The following SLC1A7 variants were observed in gnomAD, a reference collection of about 807,000 sequenced individuals.
SLC1A7 encodes the protein solute carrier family 1 member 7, also known as excitatory amino acid transporter 5.
A neutral mutation model predicts 47.7 loss-of-function variants in SLC1A7; 40 were observed. That is an observed-to-expected ratio of 0.84 (90% CI 0.65 to 1.09). The LOEUF (loss-of-function observed/expected upper bound fraction) is 1.09, where lower values mean the gene tolerates loss of function less well. SLC1A7 is among the 50% of genes least tolerant of loss of function. SLC1A7 has a pLI of 0.00. For missense variants in SLC1A7, 746 were observed against 769.5 expected (o/e 0.97, Z 0.36); for synonymous variants, 323 against 325.6 (o/e 0.99, Z 0.09).
intron 2 of SLC1A7, among the ~76,000 whole-genome samples, chr1:53,129,523 T>TTCC (rs1426322824): frequency 0.02 from 2,071 of 101,216 alleles, 11 homozygotes; most frequent in Middle Eastern, 0.037. Flanking sequence ...CACACATGTC[T>TTCC]GAGGAGGGAC....
chr1:53,117,294 A>G lies in SLC1A7; in HGVS notation c.216-2321T>C, dbSNP rs540503574. ...ATTGGTGATAGAAGGGATAGAGAAG[A>G]TAGGCTGAGCTCAGGAGTAGGGTGG... On this transcript the variant is annotated intron_variant, in intron 2 of 10. Transcript: ENST00000371494. Among the ~76,000 whole-genome samples, 3 of 152,296 alleles carry G rather than the reference A, an allele frequency of 2.0e-5. No individual in the cohort carries two copies. The South Asian group carries it at 6.2e-4, about 32-fold the overall frequency.
chr1:53,142,254 G>A, intron 1 of SLC1A7, 61 bp downstream of exon 1: 1 of 1,516,794 alleles, frequency 6.6e-7, no homozygotes, highest in African/African-American at 1.4e-5. Flanking sequence ...CGGGACCCCA[G>A]ATCCCTCAGG....
At chr1:53,106,510 A>T (rs1185253699) in intron 3 of SLC1A7, among the ~76,000 whole-genome samples, 7 of 151,260 alleles carry the variant, frequency 4.6e-5, no homozygotes, top group South Asian at 2.1e-4. Flanking sequence ...AGGCTGAGGC[A>T]GGAGAATGGC....
At chr1:53,112,166 A>G (rs550688095) in intron 3 of SLC1A7, among the ~76,000 whole-genome samples, 33 of 152,280 alleles carry the variant, frequency 2.2e-4, no homozygotes, top group African/African-American at 7.5e-4. Context: ...CTTGAGAAAC[A>G]TTTGCATGTT....
At chr1:53,095,177 C>T (rs537603945) in intron 5 of SLC1A7, among the ~76,000 whole-genome samples, 8 of 152,018 alleles carry the variant, frequency 5.3e-5, no homozygotes, top group Non-Finnish European at 7.4e-5. Context: ...CAGATGTGGG[C>T]ACACGCAGGC....
At chr1:53,096,648 T>TCACA (rs570451184) in intron 5 of SLC1A7, among the ~76,000 whole-genome samples, 3 of 145,966 alleles carry the variant, frequency 2.1e-5, no homozygotes, top group Non-Finnish European at 3.0e-5. Flanking sequence ...TTCGGTACAC[T>TCACA]CACACATCCA....
rs2150332956 is a variant in SLC1A7, at chr1:53,114,755, T to C, written c.431+3A>G. The C allele has an allele frequency of 6.2e-7, 1 of 1,613,152 alleles. No individual in the cohort carries two copies. Among genetic ancestry groups the C allele is most frequent in the South Asian group, 1.1e-5 (1 of 91,030 alleles). On this transcript the variant is annotated splice_donor_region_variant and intron_variant, in intron 3 of 10. Transcript: ENST00000371494. ...CAAGCGGGGTGTGGGTGGCAATAGTTACCGGATGAGGTCCAACAGGGCATC... is the reference window on the plus strand; with the variant it reads ...CAAGCGGGGTGTGGGTGGCAATAGTCACCGGATGAGGTCCAACAGGGCATC...
At chr1:53,114,356 G>A (rs141936229) in intron 3 of SLC1A7, among the ~76,000 whole-genome samples, 24 of 152,292 alleles carry the variant, frequency 1.6e-4, no homozygotes, top group East Asian at 9.6e-4. Context: ...GTTGAATCCT[G>A]TCTCCACTAC....
chr1:53,101,931 C>T (rs182629850), intron 5 of SLC1A7, among the ~76,000 whole-genome samples: 12 of 152,220 alleles, frequency 7.9e-5, no homozygotes, highest in East Asian at 1.9e-4. Context: ...CGCCCTGCCT[C>T]GGTACCCTCA....
chr1:53,134,227 C>T (rs776157546), intron 2 of SLC1A7, 123 bp downstream of exon 2: 26 of 645,686 alleles, frequency 4.0e-5, no homozygotes, highest in Middle Eastern at 4.2e-4. Flanking sequence ...AAAGGCCCCA[C>T]GGTCACACTC....
At chr1:53,088,755 C>T in intron 10 of SLC1A7, 122 bp downstream of exon 10, 1 of 725,530 alleles carries the variant, frequency 1.4e-6, no homozygotes, top group Non-Finnish European at 2.5e-6. Context: ...GAGACCGAGG[C>T]CCAGAGGCAT....
chr1:53,138,758 G>T (rs997404114), intron 1 of SLC1A7, among the ~76,000 whole-genome samples: 4 of 152,084 alleles, frequency 2.6e-5, no homozygotes, highest in South Asian at 2.1e-4. Flanking sequence ...TCAAATCAGG[G>T]TATTCAGGGT....
chr1:53,113,674 T>C (rs1486659507), intron 3 of SLC1A7, among the ~76,000 whole-genome samples: 2 of 152,128 alleles, frequency 1.3e-5, no homozygotes, highest in African/African-American at 4.8e-5. Context: ...CCTGGTCAGA[T>C]TGAACCTTCT....
intron 10 of SLC1A7, among the ~76,000 whole-genome samples, chr1:53,088,438 G>C (rs1025579178): frequency 6.6e-6 from 1 of 152,120 alleles, no homozygotes; most frequent in Non-Finnish European, 1.5e-5. Context: ...GCTTAGTAGA[G>C]GAGGGGACTT....
chr1:53,133,579 G>T (rs1418639177), intron 2 of SLC1A7, among the ~76,000 whole-genome samples: 1 of 152,094 alleles, frequency 6.6e-6, no homozygotes, highest in Non-Finnish European at 1.5e-5. Flanking sequence ...AGAGCAAAAG[G>T]CTCTTAGACA....
At position 53,121,420 on chromosome 1, in the gene SLC1A7, C is replaced by G. The variant is rs185117855; in HGVS notation, c.216-6447G>C. On this transcript the variant is annotated intron_variant, in intron 2 of 10. Transcript: ENST00000371494. ...CATCGAGACAGTTGGCACCAGAAAT[C>G]TGGGAAGAGATGGGGGCTTGGTGAA... 6.6e-5 allele frequency among the ~76,000 whole-genome samples: 10 copies of G among 152,318 alleles called. No individual in the cohort carries two copies. The East Asian group carries it at 1.9e-3, about 29-fold the overall frequency.
rs748735189 is a variant in SLC1A7 at position 53,089,902 on chromosome 1, G to C, written c.1259C>G (p.Ala420Gly). The change falls in exon 9 of 11, where the codon GCT becomes GGT. Residue 420 changes from alanine to glycine, a missense_variant. Coordinates refer to ENST00000371494, the MANE Select transcript of SLC1A7 (RefSeq NM_006671.6). ...ITATAASIGA[A>G]GIPQAGLVTM... ...GACGAGGCCGGCCTGGGGGATGCCA[G>C]CTGCCCCAATGCTGGCTGCAGTGGC... 6.2e-7 allele frequency: 1 copy of C among 1,613,756 alleles called. No homozygotes were observed. Among genetic ancestry groups the C allele is most frequent in the South Asian group, 1.1e-5 (1 of 91,068 alleles).
chr1:53,128,184 T>C (rs1162804073), intron 2 of SLC1A7, among the ~76,000 whole-genome samples: 1 of 152,072 alleles, frequency 6.6e-6, no homozygotes, highest in East Asian at 1.9e-4. Context: ...GCAGTAAGAA[T>C]AGGAATTGGG....
At chr1:53,115,251 A>T (rs369869734) in intron 2 of SLC1A7, 1 of 539,712 alleles carries the variant, frequency 1.9e-6, no homozygotes. Context: ...TGGTGGGGAC[A>T]CTGTTGGGGG....
Sources: gnomAD v4.1 joint callset for allele counts (sites outside exome capture counted in the v4.1 genomes callset) on GRCh38, gnomAD v4.1.1 for gene constraint, MANE v1.5 for transcripts, NCBI Gene and HGNC (gene_info 2026-07-23, HGNC 2026-07-21) for gene names.